TLN2: variants seen among roughly 807,000 people sequenced by gnomAD.
TLN2 encodes the protein talin 2.
TLN2 carries 118 observed loss-of-function variants against 294.7 expected under a neutral mutation model. That is an observed-to-expected ratio of 0.40 (90% CI 0.34 to 0.47). The LOEUF is 0.47. Ranked by LOEUF, TLN2 falls within the 20% of genes least tolerant of loss-of-function variation. TLN2 has a pLI of 0.84. For synonymous variants in TLN2, 1,431 were observed against 1,304.5 expected (o/e 1.10, Z -2.09); for missense variants, 3,083 against 3,282.2 (o/e 0.94, Z 1.48).
chr15:62,467,216 G>T (rs2037184253), intron 1 of TLN2, among the ~76,000 whole-genome samples: 1 of 152,182 alleles, frequency 6.6e-6, no homozygotes, highest in South Asian at 2.1e-4. Context: ...AAGTCTTTTG[G>T]TCAGGTCACC....
intron 1 of TLN2, among the ~76,000 whole-genome samples, chr15:62,511,100 C>T (rs1252815709): frequency 6.6e-6 from 1 of 152,220 alleles, no homozygotes; most frequent in Non-Finnish European, 1.5e-5. Flanking sequence ...GACCTCCAGA[C>T]ATTGACCCCT....
chr15:62,578,714 T>A (rs996825777), intron 1 of TLN2, among the ~76,000 whole-genome samples: 24 of 151,874 alleles, frequency 1.6e-4, no homozygotes, highest in African/African-American at 5.6e-4. Context: ...GGGAGGGGGG[T>A]AAAGTCCACA....
At chr15:62,829,220 G>C (rs1390468367) in intron 54 of TLN2, 2 of 150,034 alleles carry the variant, frequency 1.3e-5, no homozygotes, top group Non-Finnish European at 3.0e-5. Context: ...CATTGTATTA[G>C]CTTGTTCTCA....
rs1020470942 is a variant in TLN2 at position 62,739,445 on chromosome 15, C to T, written c.3785C>T (p.Thr1262Ile). Residue 1262 changes from threonine (T) to isoleucine (I), a missense_variant, in exon 31 of 59, where the codon ACC becomes ATC. Transcript: ENST00000636159. ...NQSAGEVVHATRGQSGELAAA... is the reference protein window; with the variant it reads ...NQSAGEVVHAIRGQSGELAAA... ...TCTGCTGGGGAAGTGGTCCATGCCA[C>T]CCGGGGCCAGAGTGGAGAGTTGGCT... 2 of 1,614,192 alleles carry T rather than the reference C, an allele frequency of 1.2e-6. No homozygotes were observed. The highest frequency in any genetic ancestry group is 1.7e-5 in the Admixed American group (1 of 60,028).
Position 62,801,411 on chromosome 15 carries a change from A to T in TLN2, c.6477+642A>T, listed in dbSNP as rs2065919305. Among the ~76,000 whole-genome samples the T allele has an allele frequency of 2.0e-5, 3 of 152,250 alleles. No homozygotes were observed. The South Asian group carries it at 6.2e-4, about 32-fold the overall frequency. ...TGGATTGGCTCATTCTAATCCCCAC[A>T]AATAGAAATATGCCAAAAAGAGTAG... On this transcript the variant is annotated intron_variant, in intron 50 of 58. Coordinates refer to ENST00000636159, the MANE Select transcript of TLN2 (RefSeq NM_015059.3).
intron 30 of TLN2, among the ~76,000 whole-genome samples, chr15:62,738,850 A>G (rs1191518881): frequency 3.3e-5 from 5 of 152,210 alleles, no homozygotes; most frequent in Admixed American, 6.5e-5. Flanking sequence ...CTTTTCACAA[A>G]TGGTTATCAG....
At chr15:62,494,318 G>A (rs2038906899) in intron 1 of TLN2, among the ~76,000 whole-genome samples, 1 of 152,004 alleles carries the variant, frequency 6.6e-6, no homozygotes, top group Non-Finnish European at 1.5e-5. Context: ...CAGGGTCTCG[G>A]GGGCTTTAAA....
chr15:62,468,446 TG>T (rs1312811035), intron 1 of TLN2, among the ~76,000 whole-genome samples: 2 of 152,292 alleles, frequency 1.3e-5, no homozygotes. Flanking sequence ...AATTATTTAA[TG>T]TTACAAAGGA....
At chr15:62,639,162 A>G (rs1242381257) in intron 3 of TLN2, among the ~76,000 whole-genome samples, 1 of 152,186 alleles carries the variant, frequency 6.6e-6, no homozygotes, top group Non-Finnish European at 1.5e-5. Context: ...TGATGTAGTT[A>G]TTGCTCTCTG....
At chr15:62,492,808 C>G (rs2038819681) in intron 1 of TLN2, among the ~76,000 whole-genome samples, 1 of 152,076 alleles carries the variant, frequency 6.6e-6, no homozygotes, top group Non-Finnish European at 1.5e-5. Context: ...TCAAAGAATT[C>G]TACCATAACA....
chr15:62,475,805 T>A (rs2037753988), intron 1 of TLN2, among the ~76,000 whole-genome samples: 1 of 152,186 alleles, frequency 6.6e-6, no homozygotes, highest in South Asian at 2.1e-4. Context: ...GGTTAAGATC[T>A]GGAACTGCAG....
At chr15:62,531,245 A>G (rs978326649) in intron 1 of TLN2, among the ~76,000 whole-genome samples, 1 of 152,254 alleles carries the variant, frequency 6.6e-6, no homozygotes, top group African/African-American at 2.4e-5. Flanking sequence ...ATTCAGCCTT[A>G]AAAAAGAAAT....
At chr15:62,692,696 A>C in intron 12 of TLN2, 144 bp from the exon 13 acceptor site, 2 of 632,236 alleles carry the variant, frequency 3.2e-6, no homozygotes, top group Non-Finnish European at 2.7e-6. Flanking sequence ...TTGTTGAATA[A>C]ATTTTAGGAT....
chr15:62,587,721 G>A (rs2045728344), intron 1 of TLN2, among the ~76,000 whole-genome samples: 1 of 152,098 alleles, frequency 6.6e-6, no homozygotes, highest in South Asian at 2.1e-4. Context: ...GAATCAAAGG[G>A]CATGCCATCT....
intron 1 of TLN2, among the ~76,000 whole-genome samples, chr15:62,540,649 A>G (rs527632801): frequency 5.3e-4 from 81 of 152,258 alleles, no homozygotes; most frequent in African/African-American, 1.9e-3. Context: ...GAAGTCCAGC[A>G]TAGTGGGAGT....
At chr15:62,797,446 G>A in intron 48 of TLN2, 44 bp downstream of exon 48, 1 of 1,537,238 alleles carries the variant, frequency 6.5e-7, no homozygotes, top group Non-Finnish European at 8.7e-7. Context: ...GTCTTCCCGT[G>A]AACGCTGCAC....
At position 62,650,123 on chromosome 15, in the gene TLN2, G is replaced by C; in HGVS notation, c.176G>C (p.Arg59Thr). 1 of 1,614,142 alleles carries C rather than the reference G, an allele frequency of 6.2e-7. No individual in the cohort carries two copies. Among genetic ancestry groups the C allele is most frequent in the Non-Finnish European group, 8.5e-7 (1 of 1,180,014 alleles). ...CTCTTTCTTTCGGATGAAGACCCGAGGAAAGGGATTTGGCTGGAAGCGGGC... is the reference window on the plus strand; with the variant it reads ...CTCTTTCTTTCGGATGAAGACCCGACGAAAGGGATTTGGCTGGAAGCGGGC... The part of the protein sequence containing the change: ...YGLFLSDEDP[R>T]KGIWLEAGRT... The change falls in exon 5 of 59, where the codon AGG (arginine) becomes ACG (threonine). Residue 59 changes from arginine to threonine, a missense_variant. Coordinates refer to ENST00000636159, the MANE Select transcript of TLN2 (RefSeq NM_015059.3).
At chr15:62,689,411 TGAAA>T (rs1156356421) in intron 12 of TLN2, among the ~76,000 whole-genome samples, 2 of 152,190 alleles carry the variant, frequency 1.3e-5, no homozygotes, top group African/African-American at 4.8e-5. Context: ...CAAAATGTGA[TGAAA>T]GAAACTCATG....
At chr15:62,832,106 A>ATTTTTTTTT (rs1555524776) in intron 54 of TLN2, 1 of 26,910 alleles carries the variant, frequency 3.7e-5, no homozygotes, top group East Asian at 1.4e-3. Flanking sequence ...CCAATATACG[A>ATTTTTTTTT]TCTTTTTTTT....
Sources: gnomAD v4.1 joint callset for allele counts (sites outside exome capture counted in the v4.1 genomes callset) on GRCh38, gnomAD v4.1.1 for gene constraint, MANE v1.5 for transcripts, NCBI Gene and HGNC (gene_info 2026-07-23, HGNC 2026-07-21) for gene names.